SLC4A9: variants seen among roughly 807,000 people sequenced by gnomAD.
The protein encoded by SLC4A9 is anion exchange protein 4.
A neutral mutation model predicts 103.2 loss-of-function variants in SLC4A9; 102 were observed. That is an observed-to-expected ratio of 0.99 (90% CI 0.84 to 1.17). The LOEUF (loss-of-function observed/expected upper bound fraction) is 1.17. Among genes scored for constraint, SLC4A9 ranks in the 50% most tolerant of loss-of-function variants. The pLI is 0.00. For synonymous variants in SLC4A9, 453 were observed against 483.6 expected (o/e 0.94, Z 0.83); for missense variants, 1,091 against 1,193.7 (o/e 0.91, Z 1.27).
At position 140,360,209 on chromosome 5, in the gene SLC4A9, A is replaced by C; in HGVS notation, c.-28A>C. On this transcript the variant is annotated 5_prime_UTR_variant, in exon 1 of 22. Coordinates refer to ENST00000506757, the MANE Select transcript of SLC4A9 (RefSeq NM_031467.3). ...CCCTGGCTTCAGAACCTAGGACTGTACTGGTTCTGAGATTCTGTGCAAGCC... is the reference window on the plus strand; with the variant it reads ...CCCTGGCTTCAGAACCTAGGACTGTCCTGGTTCTGAGATTCTGTGCAAGCC... 6.3e-7 allele frequency: 1 copy of C among 1,586,232 alleles called. No individual in the cohort carries two copies. The highest frequency in any genetic ancestry group is 8.6e-7 in the Non-Finnish European group (1 of 1,161,048).
chr5:140,360,703 T>C, intron 1 of SLC4A9, 109 bp from the exon 2 acceptor site: 1 of 1,538,552 alleles, frequency 6.5e-7, no homozygotes, highest in Non-Finnish European at 8.8e-7. Flanking sequence ...TTCACACCAC[T>C]GGGCCCAGGA....
In SLC4A9 at chr5:140,367,492, G is replaced by T. The variant is rs376952398; in HGVS notation, c.2086G>T (p.Ala696Ser). The change falls in exon 15 of 22, where the codon GCC becomes TCC. Residue 696 changes from alanine (A) to serine (S), a missense_variant. Coordinates refer to ENST00000506757, the MANE Select transcript of SLC4A9 (RefSeq NM_031467.3). The part of the protein sequence containing the change: ...ANPWWWSVAA[A>S]LPALLLSILI... ...CCCCTGGTGGTGGAGTGTGGCAGCTGCCCTGCCTGCCCTGCTGCTGTCTAT... is the reference window on the plus strand; with the variant it reads ...CCCCTGGTGGTGGAGTGTGGCAGCTTCCCTGCCTGCCCTGCTGCTGTCTAT... 2 of 1,603,854 alleles carry T rather than the reference G, an allele frequency of 1.2e-6. No homozygotes were observed. Among genetic ancestry groups the T allele is most frequent in the African/African-American group, 2.7e-5 (2 of 74,726 alleles).
chr5:140,371,243 C>G, intron 18 of SLC4A9, 80 bp downstream of exon 18: 2 of 1,488,340 alleles, frequency 1.3e-6, no homozygotes, highest in Non-Finnish European at 1.8e-6. Context: ...TACCTAGCAA[C>G]CCTACTCCTT....
rs1204386362 is a variant in SLC4A9, at chr5:140,364,202, C to T, written c.1388+15C>T. 6.4e-7 allele frequency: 1 copy of T among 1,563,382 alleles called. No homozygotes were observed. Among genetic ancestry groups the T allele is most frequent in the East Asian group, 2.3e-5 (1 of 44,434 alleles). On this transcript the variant is annotated intron_variant, in intron 10 of 21. Coordinates refer to ENST00000506757, the MANE Select transcript of SLC4A9 (RefSeq NM_031467.3). ...TCTTTCAGCAGGTAGGAGAGCTCCC[C>T]CCATCACCGGACCCTCACTAGTGCC...
chr5:140,362,363 A>G, intron 5 of SLC4A9, 82 bp from the exon 6 acceptor site: 5 of 1,385,752 alleles, frequency 3.6e-6, no homozygotes, highest in Non-Finnish European at 5.1e-6. Flanking sequence ...GGGAGCTGAT[A>G]GGTCAGAGCT....
rs1374364452 is a variant in SLC4A9 at position 140,360,388 on chromosome 5, C to T, written c.152C>T (p.Pro51Leu). ...SDTESKELGV[P>L]KDPLLFIQLN... is the part of the protein sequence containing the mutation. The stretch of plus-strand genomic sequence containing the variant: ...ACAGAGAGCAAGGAACTGGGAGTAC[C>T]CAAAGACCCTCTGCTCTTCATTCAG... Residue 51 changes from proline (P) to leucine (L), a missense_variant, in exon 1 of 22, where the codon CCC (proline) becomes CTC (leucine). By Grantham distance (98) the Pro-to-Leu change is moderately conservative. Coordinates refer to ENST00000506757, the MANE Select transcript of SLC4A9 (RefSeq NM_031467.3). 6.2e-7 allele frequency: 1 copy of T among 1,606,084 alleles called. No individual in the cohort carries two copies. Among genetic ancestry groups the T allele is most frequent in the Non-Finnish European group, 8.5e-7 (1 of 1,176,198 alleles).
At chr5:140,373,674 G>A (rs2126804548) in intron 21 of SLC4A9, among the ~76,000 whole-genome samples, 1 of 152,326 alleles carries the variant, frequency 6.6e-6, no homozygotes, top group African/African-American at 2.4e-5. Context: ...AGCTACTAGG[G>A]AGGCTGAGGC....
chr5:140,365,717 C>T, intron 12 of SLC4A9, 117 bp from the exon 13 acceptor site: 1 of 1,421,496 alleles, frequency 7.0e-7, no homozygotes, highest in Non-Finnish European at 9.7e-7. Context: ...CAGCTGGGAA[C>T]TTCCCATCCT....
chr5:140,361,110 G>A, intron 2 of SLC4A9, 138 bp downstream of exon 2: 2 of 1,187,144 alleles, frequency 1.7e-6, no homozygotes, highest in South Asian at 3.0e-5. Flanking sequence ...GGGTGGACAT[G>A]GAAAAGCAGG....
chr5:140,373,845 A>G (rs1769090136), intron 21 of SLC4A9, among the ~76,000 whole-genome samples: 1 of 151,948 alleles, frequency 6.6e-6, no homozygotes, highest in African/African-American at 2.4e-5. Context: ...AAAATATTCT[A>G]AGGAAGGCCA....
chr5:140,362,692 T>A (rs566766166), intron 6 of SLC4A9, among the ~76,000 whole-genome samples, 160 bp downstream of exon 6: 1 of 152,264 alleles, frequency 6.6e-6, no homozygotes, highest in East Asian at 1.9e-4. Context: ...GAGACTGAAG[T>A]TTCCTCGTCT....
Position 140,365,833 on chromosome 5 carries a change from G to C in SLC4A9, c.1711-1G>C, listed in dbSNP as rs375698170. 2.5e-6 allele frequency: 4 copies of C among 1,613,114 alleles called. No homozygotes were observed. Among genetic ancestry groups the C allele is most frequent in the East Asian group, 2.2e-5 (1 of 44,896 alleles). ...TCCACTCCTGACCCTCCTGTGTACA[G>C]GACTTAGGCCTGATCAATGCATCCT... On this transcript the variant is annotated splice_acceptor_variant, in intron 12 of 21. Transcript: ENST00000506757. LOFTEE classifies it high-confidence loss of function.
In SLC4A9 at chr5:140,364,449, C is replaced by G. The variant is rs1316662750; in HGVS notation, c.1475C>G (p.Ala492Gly). The change falls in exon 11 of 22, where the codon GCC becomes GGC. Residue 492 changes from alanine to glycine, a missense_variant. Ala to Gly is a moderately conservative substitution (Grantham distance 60). Transcript: ENST00000506757. ...TGCCTGGTGCTGGTGGCCACAGAGG[C>G]CAGTGTGCTGGTGCGCTACTTCACC... ...TFCLVLVATEASVLVRYFTRF... is the reference protein window; with the variant it reads ...TFCLVLVATEGSVLVRYFTRF... 5 of 1,613,484 alleles carry G rather than the reference C, an allele frequency of 3.1e-6. No homozygotes were observed. In the East Asian group the frequency reaches 8.9e-5, roughly 29 times the overall value.
chr5:140,364,925 T>A (rs1255938099), intron 11 of SLC4A9, among the ~76,000 whole-genome samples: 1 of 152,248 alleles, frequency 6.6e-6, no homozygotes, highest in Non-Finnish European at 1.5e-5. Context: ...GTGGAAGCAC[T>A]GGTTTGAGAC....
intron 21 of SLC4A9, among the ~76,000 whole-genome samples, chr5:140,374,481 C>T (rs1319356156): frequency 7.6e-6 from 1 of 132,152 alleles, no homozygotes; most frequent in East Asian, 2.5e-4. Flanking sequence ...ACCCGGGAGG[C>T]GGAGGTTGCA....
At chr5:140,372,692 A>G (rs1768896075) in intron 20 of SLC4A9, 53 bp from the exon 21 acceptor site, 1 of 1,484,772 alleles carries the variant, frequency 6.7e-7, no homozygotes, top group Admixed American at 2.6e-5. Context: ...GTTGTCTTTC[A>G]CTATCTGTCT....
chr5:140,363,389 G>T lies in SLC4A9; in HGVS notation c.963-50G>T. The T allele has an allele frequency of 6.7e-7, 1 of 1,497,432 alleles. No homozygotes were observed. Among genetic ancestry groups the T allele is most frequent in the Non-Finnish European group, 9.1e-7 (1 of 1,100,190 alleles). 92.8% of individuals were successfully genotyped at this position (1,497,432 alleles called of 1,614,324 possible). A position where few individuals can be genotyped will look rare whatever the true frequency, so the allele number is the denominator to read the frequency against. On this transcript the variant is annotated intron_variant, in intron 7 of 21. Transcript: ENST00000506757. This position sits in a 1 kb window ranked among gnomAD's most constrained non-coding sequence, Gnocchi z 4.5. ...GGCGCCACGAGCTCTGGACCGAGTC[G>T]CAGACTGGTTGGAGATCCTCAGCCA...
chr5:140,368,634 CCAT>C lies in SLC4A9; in HGVS notation c.2404_2406del (p.Ile802del). ...GTGGTGTTCATCCTTACAGGAGCCTCCATCTTCCTGGCACCTGTGCTCAAGGTA... is the reference window on the plus strand; with the variant it reads ...GTGGTGTTCATCCTTACAGGAGCCTCCTTCCTGGCACCTGTGCTCAAGGTA... On this transcript the variant is annotated inframe_deletion, in exon 17 of 22. Coordinates refer to ENST00000506757, the MANE Select transcript of SLC4A9 (RefSeq NM_031467.3). 1.2e-6 allele frequency: 2 copies of C among 1,613,554 alleles called. No homozygotes were observed.
At chr5:140,361,651 A>G (rs1356074350) in intron 3 of SLC4A9, among the ~76,000 whole-genome samples, 157 bp from the exon 4 acceptor site, 2 of 152,248 alleles carry the variant, frequency 1.3e-5, no homozygotes, top group African/African-American at 2.4e-5. Context: ...TAGTACCACA[A>G]TTATCCCCAT....
Sources: allele counts gnomAD v4.1 joint callset (sites outside exome capture counted in the v4.1 genomes callset), GRCh38; gene constraint gnomAD v4.1.1; non-coding constraint Gnocchi (gnomAD v3.1); transcripts MANE v1.5; gene names NCBI Gene and HGNC (gene_info 2026-07-23, HGNC 2026-07-21).